Variants in RSPO2 observed in about 807,000 individuals in gnomAD.
RSPO2 encodes R-spondin 2, also known as R-spondin-2.
Under a neutral mutation model 30.9 loss-of-function variants are expected in RSPO2, and 14 were observed. The observed-to-expected ratio is 0.45, with a 90% CI of 0.30 to 0.71. The LOEUF (loss-of-function observed/expected upper bound fraction) is 0.71, where lower values mean the gene tolerates loss of function less well. Among genes scored for constraint, RSPO2 ranks in the 30% least tolerant of loss-of-function variants. RSPO2 has a pLI of 0.08. For missense variants in RSPO2, 264 were observed against 301.9 expected (o/e 0.87, Z 0.93); for synonymous variants, 107 against 96.4 (o/e 1.11, Z -0.64).
At chr8:107,934,451 C>T (rs900005684) in intron 5 of RSPO2, among the ~76,000 whole-genome samples, 1 of 151,708 alleles carries the variant, frequency 6.6e-6, no homozygotes. Flanking sequence ...CGGCTCACTG[C>T]AACCTCCGCC....
At position 107,992,289 on chromosome 8, in the gene RSPO2, C is replaced by A. The variant is rs374878640; in HGVS notation, c.95-3045G>T. ...TGGAGCTGGAGGCCATTATCCTTAG[C>A]AAACTAACACAGAAACAGAAAACAA... On this transcript the variant is annotated intron_variant, in intron 2 of 5. Transcript: ENST00000276659. Among the ~76,000 whole-genome samples, 370 of 152,112 alleles carry A rather than the reference C, an allele frequency of 2.4e-3. 17 individuals are homozygous for A. The South Asian group carries it at 0.067, about 28-fold the overall frequency.
In RSPO2 at chr8:107,991,867, T is replaced by C. The variant is rs181951198; in HGVS notation, c.95-2623A>G. Among the ~76,000 whole-genome samples, 4 of 152,238 alleles carry C rather than the reference T, an allele frequency of 2.6e-5. No homozygotes were observed. The East Asian group carries it at 5.8e-4, about 22-fold the overall frequency. Reference sequence around the variant, plus strand: ...CTCCCACCAGTCAGAATAGCTATTATTAAAAAGTCAAAAAATAACAGATGC... The same window carrying C: ...CTCCCACCAGTCAGAATAGCTATTACTAAAAAGTCAAAAAATAACAGATGC... On this transcript the variant is annotated intron_variant, in intron 2 of 5. Transcript: ENST00000276659.
At chr8:108,009,232 T>C (rs991181012) in intron 2 of RSPO2, among the ~76,000 whole-genome samples, 4 of 152,164 alleles carry the variant, frequency 2.6e-5, no homozygotes, top group Non-Finnish European at 4.4e-5. Context: ...GAAATATGAA[T>C]TTCATAGAAA....
intron 2 of RSPO2, among the ~76,000 whole-genome samples, chr8:108,028,266 T>C (rs566025605): frequency 6.6e-6 from 1 of 152,152 alleles, no homozygotes; most frequent in Non-Finnish European, 1.5e-5. Context: ...CCCCCTCACC[T>C]CACATATCCA....
At chr8:107,946,969 C>A (rs182967716) in intron 5 of RSPO2, among the ~76,000 whole-genome samples, 2 of 152,252 alleles carry the variant, frequency 1.3e-5, no homozygotes, top group Admixed American at 1.3e-4. Flanking sequence ...GAGAAGGCAG[C>A]AGGAAGAGCT....
At chr8:107,927,583 T>C (rs1308242186) in intron 5 of RSPO2, among the ~76,000 whole-genome samples, 3 of 152,176 alleles carry the variant, frequency 2.0e-5, no homozygotes, top group Non-Finnish European at 4.4e-5. Flanking sequence ...CAATACCTAA[T>C]TTATTGAGAG....
intron 2 of RSPO2, among the ~76,000 whole-genome samples, chr8:108,030,494 G>A (rs940355447): frequency 9.2e-5 from 14 of 152,206 alleles, no homozygotes; most frequent in African/African-American, 3.1e-4. Flanking sequence ...AGGCAAGGGA[G>A]GAAAGCCATA....
At chr8:108,032,155 T>G (rs75046095) in intron 2 of RSPO2, among the ~76,000 whole-genome samples, 8,951 of 152,182 alleles carry the variant, frequency 0.059, 407 homozygotes, top group South Asian at 0.14. Context: ...AGTTAAGATT[T>G]TTAAAAAAGA....
At chr8:108,082,884 C>T in intron 1 of RSPO2, 77 bp from the exon 2 acceptor site, 1 of 489,536 alleles carries the variant, frequency 2.0e-6, no homozygotes. Flanking sequence ...CTTCGCACGT[C>T]CCAATTTAAA....
At chr8:108,012,763 A>G (rs1202914406) in intron 2 of RSPO2, among the ~76,000 whole-genome samples, 2 of 152,226 alleles carry the variant, frequency 1.3e-5, no homozygotes, top group Admixed American at 6.5e-5. Context: ...GATATATAAT[A>G]AAAAGATCTT....
intron 2 of RSPO2, among the ~76,000 whole-genome samples, chr8:108,064,362 G>A (rs1328578418): frequency 6.6e-6 from 1 of 152,154 alleles, no homozygotes; most frequent in African/African-American, 2.4e-5. Context: ...AGTGGGCAAA[G>A]GATATGAACA....
chr8:108,074,395 CA>C (rs1222009042), intron 2 of RSPO2, among the ~76,000 whole-genome samples: 1 of 152,188 alleles, frequency 6.6e-6, no homozygotes, highest in Non-Finnish European at 1.5e-5. Context: ...CCCATACACA[CA>C]TACATGAACA....
At chr8:107,936,507 C>T (rs1037019695) in intron 5 of RSPO2, among the ~76,000 whole-genome samples, 3 of 152,146 alleles carry the variant, frequency 2.0e-5, no homozygotes, top group East Asian at 1.9e-4. Context: ...CTGGGTCATA[C>T]GGTAGTTTCA....
chr8:107,981,911 G>C (rs761159368), intron 3 of RSPO2, among the ~76,000 whole-genome samples: 1 of 149,712 alleles, frequency 6.7e-6, no homozygotes, highest in African/African-American at 2.5e-5. Flanking sequence ...GCACACGACT[G>C]TAGTCCCAGC....
At chr8:107,901,529 T>G (rs1340306802) in intron 5 of RSPO2, among the ~76,000 whole-genome samples, 1 of 152,202 alleles carries the variant, frequency 6.6e-6, no homozygotes, top group African/African-American at 2.4e-5. Context: ...CTACACATCT[T>G]TACATCTTAC....
intron 2 of RSPO2, among the ~76,000 whole-genome samples, chr8:108,024,180 C>T (rs1054532816): frequency 9.2e-5 from 14 of 152,132 alleles, no homozygotes; most frequent in South Asian, 2.1e-4. Flanking sequence ...TTCTCTCCAA[C>T]GACAACTTAA....
intron 2 of RSPO2, among the ~76,000 whole-genome samples, chr8:108,063,671 A>C (rs772183893): frequency 2.6e-5 from 4 of 151,794 alleles, no homozygotes. Flanking sequence ...ACAGAATTGG[A>C]AAAACTACTT....
intron 3 of RSPO2, among the ~76,000 whole-genome samples, chr8:107,973,130 C>T (rs1814059465): frequency 2.0e-5 from 3 of 151,988 alleles, no homozygotes; most frequent in South Asian, 4.2e-4. Flanking sequence ...ATTAGCTGGG[C>T]ATGGTGGCAG....
chr8:107,983,934 T>G lies in RSPO2; in HGVS notation c.283+5122A>C. On this transcript the variant is annotated intron_variant, in intron 3 of 5. Coordinates refer to ENST00000276659, the MANE Select transcript of RSPO2 (RefSeq NM_178565.5). ...TCTACAGAACTTCCTCTTATGGAGC[T>G]CTCTGAGGATATTCTGAAAGGATTT... 5 of 1,067,864 alleles carry G rather than the reference T, an allele frequency of 4.7e-6. No individual in the cohort carries two copies. In the East Asian group the frequency reaches 9.5e-5, roughly 20 times the overall value. 66.1% of individuals were successfully genotyped at this position (1,067,864 alleles called of 1,614,324 possible). A position where few individuals can be genotyped will look rare whatever the true frequency, so the allele number is the denominator to read the frequency against.
Sources: allele counts gnomAD v4.1 joint callset (sites outside exome capture counted in the v4.1 genomes callset), GRCh38; gene constraint gnomAD v4.1.1; transcripts MANE v1.5; gene names NCBI Gene and HGNC (gene_info 2026-07-23, HGNC 2026-07-21).